The following SDK1 variants were observed in gnomAD, a reference collection of about 807,000 sequenced individuals.
SDK1 encodes the protein protein sidekick-1.
In SDK1, 157 loss-of-function variants were observed where a neutral mutation model predicts 245.5. The ratio of observed to expected loss-of-function variants is 0.64; its 90% confidence interval spans 0.56 to 0.73. The LOEUF (loss-of-function observed/expected upper bound fraction) is 0.73. Among genes scored for constraint, SDK1 ranks in the 30% least tolerant of loss-of-function variants. SDK1 has a pLI of 0.00. For synonymous variants in SDK1, 1,647 were observed against 1,278.5 expected (o/e 1.29, Z -6.15); for missense variants, 3,583 against 3,002.3 (o/e 1.19, Z -4.52).
chr7:4,190,630 T>C (rs1466696004), intron 35 of SDK1, among the ~76,000 whole-genome samples: 2 of 152,364 alleles, frequency 1.3e-5, no homozygotes, highest in East Asian at 3.9e-4. Flanking sequence ...TCCAATGCGC[T>C]GCACCCGGCC....
intron 35 of SDK1, among the ~76,000 whole-genome samples, chr7:4,196,888 C>T (rs1402908091): frequency 6.6e-6 from 1 of 152,228 alleles, no homozygotes; most frequent in Admixed American, 6.5e-5. Flanking sequence ...TGCCTCTCTC[C>T]ATCCCCTGAC....
At chr7:4,173,213 T>C (rs2128217149) in intron 32 of SDK1, among the ~76,000 whole-genome samples, 1 of 152,322 alleles carries the variant, frequency 6.6e-6, no homozygotes, top group African/African-American at 2.4e-5. Flanking sequence ...TTCCTGTTCC[T>C]TATCCCTCAT....
At chr7:3,785,541 G>T (rs1414329409) in intron 4 of SDK1, among the ~76,000 whole-genome samples, 1 of 152,138 alleles carries the variant, frequency 6.6e-6, no homozygotes, top group African/African-American at 2.4e-5. Context: ...CTTAGGACAT[G>T]TGAAAACAGA....
chr7:4,110,896 C>A, intron 23 of SDK1, 124 bp downstream of exon 23: 1 of 693,778 alleles, frequency 1.4e-6, no homozygotes, highest in Non-Finnish European at 2.6e-6. Context: ...GTGGCAATAA[C>A]AGTACCTAAA....
chr7:3,344,323 T>A (rs558764576), intron 1 of SDK1, among the ~76,000 whole-genome samples: 1 of 152,352 alleles, frequency 6.6e-6, no homozygotes, highest in South Asian at 2.1e-4. Flanking sequence ...GTTCACATTG[T>A]CGTGCATCTA....
chr7:3,907,874 A>C (rs1430398337), intron 5 of SDK1, among the ~76,000 whole-genome samples: 3 of 152,164 alleles, frequency 2.0e-5, no homozygotes, highest in Admixed American at 6.5e-5. Context: ...ACCCAGTGTG[A>C]GTTTCAGTGG....
chr7:3,483,608 T>A (rs919654999), intron 1 of SDK1, among the ~76,000 whole-genome samples: 17 of 152,202 alleles, frequency 1.1e-4, no homozygotes, highest in African/African-American at 4.1e-4. Flanking sequence ...GGAACAGATA[T>A]CCTTGTTTTC....
chr7:3,557,578 T>C (rs1302429915), intron 1 of SDK1, among the ~76,000 whole-genome samples: 1 of 152,152 alleles, frequency 6.6e-6, no homozygotes, highest in African/African-American at 2.4e-5. Flanking sequence ...CAAGTAAATA[T>C]CAAACTGAGG....
intron 5 of SDK1, among the ~76,000 whole-genome samples, chr7:3,909,579 C>T (rs2051276931): frequency 1.3e-5 from 2 of 152,240 alleles, no homozygotes; most frequent in South Asian, 4.1e-4. Context: ...AGTGACCCCA[C>T]CACACCCACT....
intron 1 of SDK1, 94 bp from the exon 2 acceptor site, chr7:3,618,986 T>C: frequency 9.6e-7 from 1 of 1,042,862 alleles, no homozygotes; most frequent in Non-Finnish European, 1.4e-6. Context: ...CATTTTAATA[T>C]TACGTTTGTT....
chr7:3,730,428 G>A (rs964351291), intron 4 of SDK1, among the ~76,000 whole-genome samples: 3 of 152,160 alleles, frequency 2.0e-5, no homozygotes, highest in African/African-American at 7.2e-5. Flanking sequence ...GGGACCATCT[G>A]TGTCTACTTT....
chr7:3,457,564 T>C (rs1780710132), intron 1 of SDK1, among the ~76,000 whole-genome samples: 1 of 152,182 alleles, frequency 6.6e-6, no homozygotes, highest in Non-Finnish European at 1.5e-5. Flanking sequence ...TCTTTCCAGG[T>C]TTCTGTTTTG....
chr7:3,561,242 A>G (rs999503352), intron 1 of SDK1, among the ~76,000 whole-genome samples: 1 of 152,106 alleles, frequency 6.6e-6, no homozygotes, highest in Admixed American at 6.6e-5. Context: ...TTTTTCTTCA[A>G]GGGCAGGGGG....
intron 1 of SDK1, among the ~76,000 whole-genome samples, chr7:3,500,637 T>G (rs1205404632): frequency 6.6e-6 from 1 of 151,464 alleles, no homozygotes; most frequent in Non-Finnish European, 1.5e-5. Context: ...GATCTCATTT[T>G]CCTTTGTGCT....
At chr7:4,108,490 G>A (rs2128189844) in intron 22 of SDK1, among the ~76,000 whole-genome samples, 1 of 152,124 alleles carries the variant, frequency 6.6e-6, no homozygotes, top group South Asian at 2.1e-4. Flanking sequence ...TCACTTTGGT[G>A]CCAGGGGACT....
At chr7:4,219,069 A>T (rs994337827) in intron 38 of SDK1, among the ~76,000 whole-genome samples, 1 of 152,232 alleles carries the variant, frequency 6.6e-6, no homozygotes, top group Non-Finnish European at 1.5e-5. Context: ...TCACTTGTTT[A>T]TAACATCCCA....
At chr7:4,126,735 G>A (rs952058958) in intron 25 of SDK1, among the ~76,000 whole-genome samples, 3 of 152,340 alleles carry the variant, frequency 2.0e-5, no homozygotes, top group South Asian at 2.1e-4. Flanking sequence ...TGTATGGGTC[G>A]AGAATGGCAT....
At chr7:3,350,084 T>C (rs963653678) in intron 1 of SDK1, among the ~76,000 whole-genome samples, 1 of 152,174 alleles carries the variant, frequency 6.6e-6, no homozygotes, top group African/African-American at 2.4e-5. Flanking sequence ...CTATTGGTGA[T>C]GGGTGGGTAA....
chr7:3,719,212 G>T (rs1785290720), intron 4 of SDK1, among the ~76,000 whole-genome samples: 2 of 148,590 alleles, frequency 1.3e-5, no homozygotes. Context: ...TAAAAAATCA[G>T]AGAGACTTTG....
Sources: gnomAD v4.1 joint callset for allele counts (sites outside exome capture counted in the v4.1 genomes callset) on GRCh38, gnomAD v4.1.1 for gene constraint, MANE v1.5 for transcripts, NCBI Gene and HGNC (gene_info 2026-07-23, HGNC 2026-07-21) for gene names.